Variants in OPHN1 observed in about 807,000 individuals in gnomAD.
OPHN1 encodes oligophrenin-1.
OPHN1 carries 11 observed loss-of-function variants against 60.7 expected under a neutral mutation model. That is an observed-to-expected ratio of 0.18 (90% confidence interval 0.11 to 0.30). OPHN1 has a LOEUF of 0.30. OPHN1 is among the 10% of genes least tolerant of loss of function. The pLI, the probability that OPHN1 is intolerant of heterozygous loss-of-function variation, is 1.00. For missense variants in OPHN1, 449 were observed against 611.0 expected, an observed-to-expected ratio of 0.73 and a Z score of 2.80; for synonymous variants, 226 against 222.6, an observed-to-expected ratio of 1.02 and a Z score of -0.14.
chrX:68,072,841 A>T (rs770105331), intron 20 of OPHN1, among the ~76,000 whole-genome samples: 1 of 111,995 alleles, frequency 8.9e-6, no homozygotes, highest in African/African-American at 3.2e-5. Context: ...AAATTTCACA[A>T]CATTCACCTT....
chrX:68,303,712 A>G (rs1273229319), intron 2 of OPHN1, among the ~76,000 whole-genome samples: 1 of 111,433 alleles, frequency 9.0e-6, no homozygotes, highest in African/African-American at 3.3e-5. Flanking sequence ...TTCAGCAATT[A>G]AAAAGCATGA....
chrX:68,185,313 C>G (rs1013520795), intron 15 of OPHN1, among the ~76,000 whole-genome samples: 11 of 112,123 alleles, frequency 9.8e-5, no homozygotes, highest in Admixed American at 1.9e-4. Context: ...CAAACATTCT[C>G]TAGGAAGAGA....
intron 2 of OPHN1, among the ~76,000 whole-genome samples, chrX:68,381,913 C>A (rs1314763642): frequency 1.8e-5 from 2 of 111,563 alleles, no homozygotes; most frequent in Non-Finnish European, 3.8e-5. Flanking sequence ...GTATAAGTAA[C>A]AAGTGATTAA....
chrX:68,189,630 T>C (rs2077479305), intron 15 of OPHN1, among the ~76,000 whole-genome samples: 3 of 110,277 alleles, frequency 2.7e-5, no homozygotes, highest in Admixed American at 2.0e-4. Context: ...TGGCTTACAA[T>C]GGATCCAGCA....
At position 68,168,603 on chromosome X, in the gene OPHN1, C is replaced by T. The variant is rs765368221; in HGVS notation, c.1276+24316G>A. ...ATCACAATTAAAAGAACTAGAAAAG[C>T]AAGAGCAAACACATTCAAAAGCTAG... On this transcript the variant is annotated intron_variant, in intron 15 of 24. Coordinates refer to ENST00000355520, the MANE Select transcript of OPHN1 (RefSeq NM_002547.3). Among the ~76,000 whole-genome samples, 28 of 111,569 alleles carry T rather than the reference C, an allele frequency of 2.5e-4. No individual in the cohort carries two copies. In the South Asian group the frequency reaches 3.0e-3, roughly 12 times the overall value.
chrX:68,380,332 T>C (rs1385005880), intron 2 of OPHN1, among the ~76,000 whole-genome samples: 1 of 111,548 alleles, frequency 9.0e-6, no homozygotes, highest in African/African-American at 3.3e-5. Context: ...TCTTCTTTAT[T>C]AGTCTTGCTA....
chrX:68,255,666 A>G (rs752887120), intron 5 of OPHN1, among the ~76,000 whole-genome samples: 1 of 109,738 alleles, frequency 9.1e-6, no homozygotes, highest in Non-Finnish European at 1.9e-5. Context: ...ACAGATTTTG[A>G]ACTTGCCAGC....
intron 2 of OPHN1, among the ~76,000 whole-genome samples, chrX:68,339,540 C>G (rs747415489): frequency 8.9e-6 from 1 of 112,317 alleles, no homozygotes; most frequent in East Asian, 2.8e-4. Flanking sequence ...TTTAAAAAAA[C>G]TATTAGAAGT....
At chrX:68,273,142 G>A (rs983519766) in intron 5 of OPHN1, among the ~76,000 whole-genome samples, 3 of 111,598 alleles carry the variant, frequency 2.7e-5, no homozygotes, top group Non-Finnish European at 5.6e-5. Flanking sequence ...CAGGCATGGT[G>A]GCTCATGCCT....
At chrX:68,377,096 ATTTT>A in intron 2 of OPHN1, among the ~76,000 whole-genome samples, 1 of 83,553 alleles carries the variant, frequency 1.2e-5, no homozygotes. Flanking sequence ...CATGCAGCTA[ATTTT>A]TTTTTTTTTT....
chrX:68,092,360 G>C (rs2077021877), intron 19 of OPHN1, among the ~76,000 whole-genome samples: 1 of 111,697 alleles, frequency 9.0e-6, no homozygotes, highest in South Asian at 3.7e-4. Context: ...AGAATTTCTG[G>C]AACATTCTCA....
intron 2 of OPHN1, among the ~76,000 whole-genome samples, chrX:68,383,003 C>G (rs1359839724): frequency 3.6e-5 from 4 of 110,835 alleles, no homozygotes; most frequent in Non-Finnish European, 5.7e-5. Context: ...TGAGGGTCAT[C>G]ATACTAAGGA....
At chrX:68,211,044 A>T (rs1054342699) in intron 8 of OPHN1, among the ~76,000 whole-genome samples, 2 of 111,425 alleles carry the variant, frequency 1.8e-5, no homozygotes, top group Non-Finnish European at 3.8e-5. Context: ...CAAGTAATAT[A>T]TAGAGGAAGA....
In OPHN1 at chrX:68,172,037, C is replaced by A. The variant is rs140269844; in HGVS notation, c.1276+20882G>T. 1.4e-3 allele frequency among the ~76,000 whole-genome samples: 154 copies of A among 111,411 alleles called. 4 individuals carry two copies. In the East Asian group the frequency reaches 0.043, roughly 31 times the overall value. ...TTACTGGCAGGAATGTAAAATAGTG[C>A]AGTCATTTTGGAACAGTTTTTCAGT... On this transcript the variant is annotated intron_variant, in intron 15 of 24. Coordinates refer to ENST00000355520, the MANE Select transcript of OPHN1 (RefSeq NM_002547.3).
chrX:68,414,777 A>G (rs2078785886), intron 2 of OPHN1, among the ~76,000 whole-genome samples: 1 of 111,628 alleles, frequency 9.0e-6, no homozygotes, highest in South Asian at 3.8e-4. Flanking sequence ...ACTAAATGCC[A>G]TTGTGCTAAG....
At chrX:68,236,937 T>C (rs2077755518) in intron 5 of OPHN1, among the ~76,000 whole-genome samples, 1 of 112,501 alleles carries the variant, frequency 8.9e-6, no homozygotes, top group Non-Finnish European at 1.9e-5. Flanking sequence ...TATGTCTATC[T>C]TTATGTCAGC....
At chrX:68,176,583 G>A (rs149699183) in intron 15 of OPHN1, among the ~76,000 whole-genome samples, 1 of 111,714 alleles carries the variant, frequency 9.0e-6, no homozygotes, top group East Asian at 2.8e-4. Flanking sequence ...TGCACTGTTG[G>A]TGGCAATGTG....
chrX:68,317,515 GAGAGAA>G (rs1307717353), intron 2 of OPHN1, among the ~76,000 whole-genome samples: 2 of 58,256 alleles, frequency 3.4e-5, no homozygotes, highest in African/African-American at 2.1e-4. Context: ...GGGAAAGAGA[GAGAGAA>G]AGAAAGAAAG....
At chrX:68,067,711 G>A (rs770467533) in intron 20 of OPHN1, among the ~76,000 whole-genome samples, 15 of 110,665 alleles carry the variant, frequency 1.4e-4, no homozygotes, top group Non-Finnish European at 2.5e-4. Context: ...TAAAGAAGTG[G>A]AATAATCAGG....
Sources: gnomAD v4.1 joint callset for allele counts (sites outside exome capture counted in the v4.1 genomes callset) on GRCh38, gnomAD v4.1.1 for gene constraint, MANE v1.5 for transcripts, NCBI Gene and HGNC (gene_info 2026-07-23, HGNC 2026-07-21) for gene names.